The following HCRTR2 variants were observed in gnomAD, a reference collection of about 807,000 sequenced individuals.
The protein encoded by HCRTR2 is hypocretin receptor 2, also known as orexin receptor type 2.
Under a neutral mutation model 49.0 loss-of-function variants are expected in HCRTR2, and 22 were observed. The observed-to-expected ratio is 0.45, with a 90% CI of 0.32 to 0.64. HCRTR2 has a LOEUF of 0.64. Among genes scored for constraint, HCRTR2 ranks in the 30% least tolerant of loss-of-function variants. The probability of loss-of-function intolerance (pLI) is 0.04; values close to 1 mark genes in which losing one functional copy is unlikely to be tolerated. For missense variants in HCRTR2, 491 were observed against 559.4 expected, an observed-to-expected ratio of 0.88 and a Z score of 1.23; for synonymous variants, 236 against 205.3, an observed-to-expected ratio of 1.15 and a Z score of -1.28.
chr6:55,283,243 G>T (rs1296063312), downstream of HCRTR2, among the ~76,000 whole-genome samples: 1 of 152,190 alleles, frequency 6.6e-6, no homozygotes, highest in Non-Finnish European at 1.5e-5. Context: ...ACTGTGCTAG[G>T]TGCTAGGGAA....
In HCRTR2 at chr6:55,159,425, C is replaced by G. The variant is rs146801442; in HGVS notation, c.-377-14786C>G. ...CTGAAAATTCCAAAAAACAGAATAC[C>G]TCTTCTCCTCCAAAGGATCACAATT... On this transcript the variant is annotated intron_variant, in intron 1 of 7. Coordinates refer to the HCRTR2 transcript ENST00000615358. Among the ~76,000 whole-genome samples the G allele has an allele frequency of 4.3e-3, 657 of 152,166 alleles. 7 individuals carry two copies. Among genetic ancestry groups the G allele is most frequent in the African/African-American group, 0.015 (615 of 41,516 alleles).
chr6:55,138,713 T>C (rs144910736), intron 1 of HCRTR2, among the ~76,000 whole-genome samples: 3 of 152,322 alleles, frequency 2.0e-5, no homozygotes, highest in East Asian at 1.9e-4. Flanking sequence ...GAAAAGAAAG[T>C]CATTCTTTCT....
At position 55,263,718 on chromosome 6, in the gene HCRTR2, C is replaced by T. The variant is rs1253935195; in HGVS notation, c.658C>T (p.Pro220Ser). The T allele has an allele frequency of 6.3e-7, 1 of 1,599,952 alleles. No homozygotes were observed. Among genetic ancestry groups the T allele is most frequent in the East Asian group, 2.2e-5 (1 of 44,678 alleles). ...CDERWGGEIY[P>S]KMYHICFFLV... ...GACTTTCATCCTAGGTGAAATTTAT[C>T]CCAAGATGTACCACATCTGTTTCTT... is the stretch of plus-strand genomic sequence containing the variant. Residue 220 changes from proline (P) to serine (S), a missense_variant, in exon 4 of 7, where the codon CCC (proline) becomes TCC (serine). Physicochemically the swap from Pro to Ser is moderately conservative, Grantham distance 74. Coordinates refer to ENST00000370862, the MANE Select transcript of HCRTR2 (RefSeq NM_001384272.1).
At chr6:55,271,536 A>G (rs1256207527) in intron 4 of HCRTR2, among the ~76,000 whole-genome samples, 1 of 152,158 alleles carries the variant, frequency 6.6e-6, no homozygotes, top group East Asian at 1.9e-4. Flanking sequence ...GATACATTAG[A>G]CATTATCAAA....
intron 1 of HCRTR2, among the ~76,000 whole-genome samples, chr6:55,203,545 A>G (rs1379032830): frequency 6.6e-6 from 1 of 152,140 alleles, no homozygotes; most frequent in Non-Finnish European, 1.5e-5. Flanking sequence ...ATTTTAGATG[A>G]AGTTAAGTGC....
chr6:55,224,451 A>C (rs1765957437), intron 1 of HCRTR2, among the ~76,000 whole-genome samples: 1 of 127,986 alleles, frequency 7.8e-6, no homozygotes. Flanking sequence ...CCCCATCTCC[A>C]CTAAAAAAAA....
At position 55,116,781 on chromosome 6, in the gene HCRTR2, T is replaced by C. The variant is rs536121581; in HGVS notation, c.-378+10236T>C. Among the ~76,000 whole-genome samples the C allele has an allele frequency of 1.7e-4, 25 of 150,692 alleles. No individual in the cohort carries two copies. The East Asian group carries it at 4.9e-3, about 30-fold the overall frequency. On this transcript the variant is annotated intron_variant, in intron 1 of 7. Coordinates refer to the HCRTR2 transcript ENST00000615358. The stretch of plus-strand genomic sequence containing the variant: ...AGCCTCTCCTCAAAGGTCATAATTA[T>C]GAAAGGTACTAACAGTCTAATGATG...
intron 1 of HCRTR2, among the ~76,000 whole-genome samples, chr6:55,166,790 G>T (rs1350653009): frequency 1.3e-5 from 2 of 152,052 alleles, no homozygotes; most frequent in Admixed American, 1.3e-4. Context: ...GGCAAAAAAT[G>T]GAAACAATCC....
intron 1 of HCRTR2, among the ~76,000 whole-genome samples, chr6:55,128,634 C>A (rs1258722583): frequency 1.3e-5 from 2 of 152,190 alleles, no homozygotes; most frequent in Middle Eastern, 3.4e-3. Context: ...AGATCTTTCA[C>A]CTTCATAGTT....
At chr6:55,106,496 A>C (rs1366350365) in exon 1 of HCRTR2, 1 of 152,080 alleles carries the variant, frequency 6.6e-6, no homozygotes, top group Admixed American at 6.6e-5. Flanking sequence ...CAAGAGGTGA[A>C]TATATTGAAG....
At chr6:55,114,300 T>TAA (rs5876424) in intron 1 of HCRTR2, among the ~76,000 whole-genome samples, 31 of 151,138 alleles carry the variant, frequency 2.1e-4, no homozygotes, top group Admixed American at 4.6e-4. Flanking sequence ...TCATTCAAAT[T>TAA]AAAAAAAAGT....
At chr6:55,220,929 C>A (rs1765877774) in intron 1 of HCRTR2, among the ~76,000 whole-genome samples, 1 of 152,098 alleles carries the variant, frequency 6.6e-6, no homozygotes, top group African/African-American at 2.4e-5. Context: ...CTGAAAAAGA[C>A]ATTACAATCC....
chr6:55,267,971 T>C (rs1766893838), intron 4 of HCRTR2, among the ~76,000 whole-genome samples: 3 of 152,156 alleles, frequency 2.0e-5, no homozygotes, highest in South Asian at 2.1e-4. Context: ...TCTTCTGTTA[T>C]CTGATGTAAA....
intron 1 of HCRTR2, among the ~76,000 whole-genome samples, chr6:55,142,133 G>A (rs943109414): frequency 8.6e-5 from 13 of 152,044 alleles, no homozygotes; most frequent in Non-Finnish European, 1.6e-4. Context: ...AAGAGAATTA[G>A]TTAAATAGTC....
chr6:55,123,206 G>T (rs1363387582), intron 1 of HCRTR2, among the ~76,000 whole-genome samples: 1 of 151,762 alleles, frequency 6.6e-6, no homozygotes, highest in Non-Finnish European at 1.5e-5. Flanking sequence ...ATCTTGTGCT[G>T]GTTTTCAAAG....
At chr6:55,212,252 C>T (rs1351804457) in intron 1 of HCRTR2, among the ~76,000 whole-genome samples, 3 of 148,540 alleles carry the variant, frequency 2.0e-5, no homozygotes, top group African/African-American at 7.3e-5. Context: ...TTTGACTACT[C>T]AAGACCATAC....
chr6:55,116,724 A>AAAAAAAAAAAAAC (rs372864594), intron 1 of HCRTR2, among the ~76,000 whole-genome samples: 2 of 144,164 alleles, frequency 1.4e-5, no homozygotes, highest in Non-Finnish European at 3.0e-5. Flanking sequence ...AGAAAAAAAA[A>AAAAAAAAAAAAAC]AAAACTCTTA....
intron 1 of HCRTR2, among the ~76,000 whole-genome samples, chr6:55,150,609 G>A (rs1432983290): frequency 6.6e-6 from 1 of 151,802 alleles, no homozygotes; most frequent in Non-Finnish European, 1.5e-5. Context: ...TTTATGTCTG[G>A]CTTATTTCCC....
intron 1 of HCRTR2, among the ~76,000 whole-genome samples, chr6:55,200,962 C>G (rs554642874): frequency 1.3e-4 from 20 of 152,040 alleles, no homozygotes; most frequent in African/African-American, 4.1e-4. Context: ...TTCCTCTTTC[C>G]TATCAGAGAA....
Sources: gnomAD v4.1 joint callset for allele counts (sites outside exome capture counted in the v4.1 genomes callset) on GRCh38, gnomAD v4.1.1 for gene constraint, MANE v1.5 for transcripts, NCBI Gene and HGNC (gene_info 2026-07-23, HGNC 2026-07-21) for gene names.